Variants in TMPRSS15 observed in about 807,000 individuals in gnomAD.
TMPRSS15 encodes enteropeptidase.
Under a neutral mutation model 125.3 loss-of-function variants are expected in TMPRSS15, and 128 were observed. That is an observed-to-expected ratio of 1.02 (90% confidence interval 0.89 to 1.18). TMPRSS15 has a LOEUF of 1.18. Among genes scored for constraint, TMPRSS15 ranks in the 50% most tolerant of loss-of-function variants. TMPRSS15 has a pLI of 0.00. For synonymous variants in TMPRSS15, 446 were observed against 423.2 expected (o/e 1.05, Z -0.66); for missense variants, 1,283 against 1,212.7 (o/e 1.06, Z -0.86).
chr21:18,406,980 T>C (rs1601451666), upstream of TMPRSS15, among the ~76,000 whole-genome samples: 2 of 152,318 alleles, frequency 1.3e-5, no homozygotes, highest in East Asian at 1.9e-4. Flanking sequence ...AAGTTGTATG[T>C]ACTAAACTAG....
At chr21:18,308,827 T>C (rs143428258) in intron 18 of TMPRSS15, among the ~76,000 whole-genome samples, 1 of 152,206 alleles carries the variant, frequency 6.6e-6, no homozygotes, top group African/African-American at 2.4e-5. Flanking sequence ...CACTTATGAG[T>C]GAGAATATGC....
chr21:18,339,325 C>T (rs1256086313), intron 13 of TMPRSS15, among the ~76,000 whole-genome samples: 1 of 152,122 alleles, frequency 6.6e-6, no homozygotes, highest in East Asian at 1.9e-4. Context: ...GACAATATAA[C>T]TACTGTCTTC....
At chr21:18,464,912 A>G (rs184257110) in intron 1 of TMPRSS15, among the ~76,000 whole-genome samples, 1 of 152,324 alleles carries the variant, frequency 6.6e-6, no homozygotes, top group East Asian at 1.9e-4. Flanking sequence ...TCATTTCTTG[A>G]GGCCAGCATC....
At chr21:18,398,758 A>G (rs548849543) in intron 1 of TMPRSS15, among the ~76,000 whole-genome samples, 6 of 152,242 alleles carry the variant, frequency 3.9e-5, no homozygotes, top group Admixed American at 6.5e-5. Flanking sequence ...CCTAGCATCC[A>G]GGGACACCAC....
chr21:18,444,646 A>G (rs1330670862), intron 1 of TMPRSS15, among the ~76,000 whole-genome samples: 1 of 152,184 alleles, frequency 6.6e-6, no homozygotes, highest in Non-Finnish European at 1.5e-5. Flanking sequence ...TTAAAAAAAA[A>G]TCAGGATAGT....
chr21:18,477,054 C>A (rs538406251), intron 1 of TMPRSS15, among the ~76,000 whole-genome samples: 1 of 152,048 alleles, frequency 6.6e-6, no homozygotes, highest in Non-Finnish European at 1.5e-5. Flanking sequence ...TTCTGAAAAG[C>A]GCTTATCTGA....
chr21:18,309,209 G>T (rs910492085), intron 18 of TMPRSS15, among the ~76,000 whole-genome samples: 1 of 152,094 alleles, frequency 6.6e-6, no homozygotes, highest in African/African-American at 2.4e-5. Flanking sequence ...GCCATATGCA[G>T]AAAACTGAAA....
At chr21:18,456,974 C>T (rs1443753845) in intron 1 of TMPRSS15, among the ~76,000 whole-genome samples, 1 of 152,010 alleles carries the variant, frequency 6.6e-6, no homozygotes, top group Non-Finnish European at 1.5e-5. Context: ...AATTCCAAAA[C>T]ATTTAGGCAA....
chr21:18,278,726 A>G (rs1340353663), intron 23 of TMPRSS15, among the ~76,000 whole-genome samples: 2 of 152,154 alleles, frequency 1.3e-5, no homozygotes. Flanking sequence ...CGTCTCAAAA[A>G]CAAACAAACA....
chr21:18,389,831 G>A (rs1419660991), intron 3 of TMPRSS15, among the ~76,000 whole-genome samples: 5 of 152,048 alleles, frequency 3.3e-5, no homozygotes, highest in South Asian at 2.1e-4. Context: ...GTGATGATCC[G>A]ATACCAATTA....
intron 1 of TMPRSS15, among the ~76,000 whole-genome samples, chr21:18,402,561 C>A: frequency 6.7e-6 from 1 of 148,688 alleles, no homozygotes. Context: ...AATTTATATG[C>A]ACATATATAT....
chr21:18,286,230 A>C lies in TMPRSS15; in HGVS notation c.2487-5009T>G, dbSNP rs1305340976. On this transcript the variant is annotated intron_variant, in intron 21 of 24. Coordinates refer to ENST00000284885, the MANE Select transcript of TMPRSS15 (RefSeq NM_002772.3). Reference sequence around the variant, plus strand: ...TCTTTTTTGTTCATCTTAAACTCTAAATTTTAGAATATCCCAGGGGTCTGC... The same window carrying C: ...TCTTTTTTGTTCATCTTAAACTCTACATTTTAGAATATCCCAGGGGTCTGC... Among the ~76,000 whole-genome samples, 3 of 152,038 alleles carry C rather than the reference A, an allele frequency of 2.0e-5. No homozygotes were observed. In the East Asian group the frequency reaches 5.8e-4, roughly 29 times the overall value.
At chr21:18,294,218 G>A in intron 21 of TMPRSS15, 52 bp downstream of exon 21, 1 of 1,608,190 alleles carries the variant, frequency 6.2e-7, no homozygotes, top group South Asian at 1.1e-5. Context: ...ACGCTTGGCA[G>A]TGTCTGCTGT....
intron 1 of TMPRSS15, among the ~76,000 whole-genome samples, chr21:18,478,221 C>CT (rs1233296936): frequency 1.3e-5 from 2 of 151,852 alleles, no homozygotes; most frequent in Non-Finnish European, 2.9e-5. Context: ...GTCATGTTTC[C>CT]TTTTTAGTAC....
Position 18,461,842 on chromosome 21 carries a change from A to G in TMPRSS15, c.10+23957T>C, listed in dbSNP as rs2122910660. 5.4e-3 allele frequency among the ~76,000 whole-genome samples: 823 copies of G among 152,226 alleles called. 8 individuals carry two copies. The highest frequency in any genetic ancestry group is 0.019 in the African/African-American group (790 of 41,554). Reference sequence around the variant, plus strand: ...GGATACTATAGTTGCCCTGAGTTCAACTTCATGTTTTATAAAATAGGCACA... The same window carrying G: ...GGATACTATAGTTGCCCTGAGTTCAGCTTCATGTTTTATAAAATAGGCACA... On this transcript the variant is annotated intron_variant, in intron 1 of 7. Transcript: ENST00000422787.
intron 1 of TMPRSS15, among the ~76,000 whole-genome samples, chr21:18,479,729 C>A (rs1368868818): frequency 6.6e-6 from 1 of 151,908 alleles, no homozygotes; most frequent in Non-Finnish European, 1.5e-5. Context: ...ATTAAAAAGT[C>A]AGGAAACAAC....
chr21:18,277,996 T>C (rs1027517307), intron 23 of TMPRSS15, among the ~76,000 whole-genome samples: 40 of 152,232 alleles, frequency 2.6e-4, no homozygotes, highest in African/African-American at 9.4e-4. Context: ...ATGATTTCTG[T>C]GTTTGGAAAA....
intron 1 of TMPRSS15, among the ~76,000 whole-genome samples, chr21:18,419,227 T>TA (rs1470009621): frequency 6.9e-6 from 1 of 145,010 alleles, no homozygotes; most frequent in South Asian, 2.3e-4. Flanking sequence ...CCTCTTTTTT[T>TA]TTTTTTTTTT....
intron 1 of TMPRSS15, among the ~76,000 whole-genome samples, chr21:18,424,958 T>C (rs1341025566): frequency 6.7e-6 from 1 of 149,178 alleles, no homozygotes; most frequent in Non-Finnish European, 1.5e-5. Flanking sequence ...TGTGAATTCA[T>C]ATGTATGAAT....
Sources: allele counts gnomAD v4.1 joint callset (sites outside exome capture counted in the v4.1 genomes callset), GRCh38; gene constraint gnomAD v4.1.1; transcripts MANE v1.5; gene names NCBI Gene and HGNC (gene_info 2026-07-23, HGNC 2026-07-21).